Variants in RAB43 observed in about 807,000 individuals in gnomAD.
The protein encoded by RAB43 is RAB43, member RAS oncogene family, also known as ras-related protein Rab-43.
A neutral mutation model predicts 18.8 loss-of-function variants in RAB43; 6 were observed. The ratio of observed to expected loss-of-function variants is 0.32; its 90% confidence interval spans 0.17 to 0.63. The LOEUF (loss-of-function observed/expected upper bound fraction) is 0.63. RAB43 is among the 30% of genes least tolerant of loss of function. The pLI, the probability that RAB43 is intolerant of heterozygous loss-of-function variation, is 0.79. For synonymous variants in RAB43, 103 were observed against 124.1 expected, an observed-to-expected ratio of 0.83 and a Z score of 1.13; for missense variants, 195 against 289.1, an observed-to-expected ratio of 0.67 and a Z score of 2.36.
chr3:129,091,809 T>TA lies in RAB43; in HGVS notation c.389-464dup, dbSNP rs1933679115. On this transcript the variant is annotated intron_variant, in intron 2 of 2. Coordinates refer to ENST00000315150, the MANE Select transcript of RAB43 (RefSeq NM_198490.3). ...GGCCAAGCGCAGTGGCTCATGCTTG[T>TA]AATCCCAGCATTTGGGAAGGCCGAG... Among the ~76,000 whole-genome samples, 3 of 151,982 alleles carry TA rather than the reference T, an allele frequency of 2.0e-5. No individual in the cohort carries two copies. In the South Asian group the frequency reaches 6.2e-4, roughly 32 times the overall value.
At chr3:129,099,641 C>T (rs1934296164) in intron 1 of RAB43, among the ~76,000 whole-genome samples, 1 of 152,170 alleles carries the variant, frequency 6.6e-6, no homozygotes, top group Non-Finnish European at 1.5e-5. Context: ...TCGCCTCGGC[C>T]TCCCAAAGTG....
chr3:129,099,144 T>G (rs1268607367), intron 1 of RAB43, among the ~76,000 whole-genome samples: 1 of 151,126 alleles, frequency 6.6e-6, no homozygotes, highest in Non-Finnish European at 1.5e-5. Flanking sequence ...CAGGCTGGAG[T>G]GCAGTGGCGC....
intron 1 of RAB43, among the ~76,000 whole-genome samples, chr3:129,117,707 A>G (rs80311080): frequency 1.0e-3 from 158 of 152,352 alleles, no homozygotes; most frequent in African/African-American, 3.6e-3. Flanking sequence ...TATTAGATCC[A>G]TTCACTTTCA....
chr3:129,112,760 T>A (rs979251917), intron 1 of RAB43, among the ~76,000 whole-genome samples: 35 of 151,976 alleles, frequency 2.3e-4, no homozygotes, highest in African/African-American at 8.4e-4. Flanking sequence ...TTGTTGCTTT[T>A]TTTTTTTTGA....
rs943355621 is a variant in RAB43 at position 129,095,738 on chromosome 3, C to T, written c.205-569G>A. 2.0e-5 allele frequency among the ~76,000 whole-genome samples: 3 copies of T among 152,158 alleles called. No homozygotes were observed. The highest frequency in any genetic ancestry group is 4.4e-5 in the Non-Finnish European group (3 of 68,020). Reference sequence around the variant, plus strand: ...CCTTTAAGTACAAGGCAGTTTCCACCAGCTGACCCAGCTTGGCCAAAGCAA... The same window carrying T: ...CCTTTAAGTACAAGGCAGTTTCCACTAGCTGACCCAGCTTGGCCAAAGCAA... On this transcript the variant is annotated intron_variant, in intron 1 of 2. Coordinates refer to ENST00000315150, the MANE Select transcript of RAB43 (RefSeq NM_198490.3). This position sits in a 1 kb window ranked among gnomAD's most constrained non-coding sequence, Gnocchi z 4.2.
At chr3:129,103,722 G>A (rs868739865) in intron 1 of RAB43, among the ~76,000 whole-genome samples, 9 of 152,052 alleles carry the variant, frequency 5.9e-5, no homozygotes, top group South Asian at 2.1e-4. Flanking sequence ...GTGCCACCAC[G>A]CCCGGCTAAT....
intron 1 of RAB43, 21 bp downstream of exon 1, chr3:129,121,265 G>A (rs764765729): frequency 1.9e-6 from 3 of 1,578,898 alleles, no homozygotes; most frequent in Admixed American, 1.8e-5. Context: ...CGCCTTCCAG[G>A]GGCCCTGGCC....
At chr3:129,094,512 T>C (rs1269486529) in intron 2 of RAB43, among the ~76,000 whole-genome samples, 1 of 100,608 alleles carries the variant, frequency 9.9e-6, no homozygotes, top group African/African-American at 4.3e-5. Context: ...TTTCTTTTTT[T>C]TTTTTTTTTT....
In RAB43 at chr3:129,121,682, G is replaced by T. The variant is rs1296518103; in HGVS notation, c.-193C>A. The T allele has an allele frequency of 9.2e-6, 3 of 324,718 alleles. No homozygotes were observed. The highest frequency in any genetic ancestry group is 1.5e-5 in the Non-Finnish European group (3 of 200,556). 20.1% of individuals were successfully genotyped at this position (324,718 alleles called of 1,614,324 possible). On this transcript the variant is annotated 5_prime_UTR_variant, in exon 1 of 3. Coordinates refer to ENST00000315150, the MANE Select transcript of RAB43 (RefSeq NM_198490.3). The stretch of plus-strand genomic sequence containing the variant: ...CCCCGCCCCACCCCGGCTGGCTCCC[G>T]CCCCGGCCCGGCTCGGCCCCGCCCG...
chr3:129,091,201 C>T lies in RAB43; in HGVS notation c.534G>A (p.Thr178=), dbSNP rs769265576. 2.4e-5 allele frequency: 38 copies of T among 1,583,928 alleles called. No individual in the cohort carries two copies. The highest frequency in any genetic ancestry group is 2.9e-5 in the Non-Finnish European group (34 of 1,161,440). ...NVEEAFLRVA[T]ELIMRHGGPL... ...GGCCCCCGTGCCGCATGATGAGCTC[C>T]GTGGCCACCCTCAGGAAGGCCTCCT... is the stretch of plus-strand genomic sequence containing the variant. Residue 178 remains threonine, a synonymous_variant, in exon 3 of 3, where the codon ACG becomes ACA. Coordinates refer to ENST00000315150, the MANE Select transcript of RAB43 (RefSeq NM_198490.3).
rs1162528267 is a variant in RAB43 at position 129,088,029 on chromosome 3, ACT to A, written c.*3065_*3066del. The A allele has an allele frequency of 2.0e-5, 3 of 151,734 alleles. No individual in the cohort carries two copies. Among genetic ancestry groups the A allele is most frequent in the Admixed American group, 6.6e-5 (1 of 15,218 alleles). 9.4% of individuals were successfully genotyped at this position (151,734 alleles called of 1,614,324 possible). On this transcript the variant is annotated 3_prime_UTR_variant, in exon 3 of 3. Coordinates refer to ENST00000315150, the MANE Select transcript of RAB43 (RefSeq NM_198490.3). ...ATTTATCAACAAAGGAAGAGATGAC[ACT>A]GTTCTCCTTCCGCCCCAGAGCCCGG...
intron 1 of RAB43, among the ~76,000 whole-genome samples, chr3:129,097,615 C>A (rs1346084657): frequency 6.6e-6 from 1 of 152,050 alleles, no homozygotes; most frequent in African/African-American, 2.4e-5. Flanking sequence ...AAAAGGGAGG[C>A]AAAGGGAGAT....
intron 1 of RAB43, among the ~76,000 whole-genome samples, chr3:129,100,462 G>T (rs1254894819): frequency 1.3e-5 from 2 of 152,192 alleles, no homozygotes; most frequent in Admixed American, 6.5e-5. Context: ...AGGGCAGGGG[G>T]TTGGCAATAT....
chr3:129,105,226 G>A (rs1240815426), intron 1 of RAB43, among the ~76,000 whole-genome samples: 1 of 152,216 alleles, frequency 6.6e-6, no homozygotes, highest in Admixed American at 6.5e-5. Flanking sequence ...GCTGAGGTGG[G>A]CAGATTACCT....
chr3:129,091,497 C>G, intron 2 of RAB43, 151 bp from the exon 3 acceptor site: 1 of 1,066,446 alleles, frequency 9.4e-7, no homozygotes, highest in Non-Finnish European at 1.3e-6. Flanking sequence ...TTTAAAAAAC[C>G]TTTTTTAGGC....
At chr3:129,117,032 A>AT (rs544711332) in intron 1 of RAB43, among the ~76,000 whole-genome samples, 132 of 152,288 alleles carry the variant, frequency 8.7e-4, no homozygotes, top group African/African-American at 2.9e-3. Flanking sequence ...GCAATAAAAA[A>AT]ATATATATTT....
chr3:129,097,845 TA>T, intron 1 of RAB43, among the ~76,000 whole-genome samples: 1 of 151,996 alleles, frequency 6.6e-6, no homozygotes, highest in African/African-American at 2.4e-5. Context: ...CCTGAGACCA[TA>T]ACCCCTAAAA....
chr3:129,110,515 C>T lies in RAB43; in HGVS notation c.204+10771G>A, dbSNP rs562872157. On this transcript the variant is annotated intron_variant, in intron 1 of 2. Transcript: ENST00000315150. ...AATGCAAAGTACTAGGACAAAAAAA[C>T]AAAACAAGGCAAGTAAGGGCATAAT... Among the ~76,000 whole-genome samples the T allele has an allele frequency of 5.9e-5, 9 of 152,276 alleles. No homozygotes were observed. The South Asian group carries it at 1.7e-3, about 28-fold the overall frequency.
intron 1 of RAB43, among the ~76,000 whole-genome samples, chr3:129,100,828 G>A (rs1387183437): frequency 6.6e-6 from 1 of 151,792 alleles, no homozygotes; most frequent in Non-Finnish European, 1.5e-5. Context: ...TTTTTTTTGA[G>A]ACGAGTCTCG....
Sources: allele counts gnomAD v4.1 joint callset (sites outside exome capture counted in the v4.1 genomes callset), GRCh38; gene constraint gnomAD v4.1.1; non-coding constraint Gnocchi (gnomAD v3.1); transcripts MANE v1.5; gene names NCBI Gene and HGNC (gene_info 2026-07-23, HGNC 2026-07-21).